The following RAB38 variants were observed in gnomAD, a reference collection of about 807,000 sequenced individuals.
RAB38 encodes RAB38, member RAS oncogene family.
RAB38 carries 15 observed loss-of-function variants against 18.4 expected under a neutral mutation model. The ratio of observed to expected loss-of-function variants is 0.82; its 90% CI spans 0.55 to 1.26. The LOEUF (loss-of-function observed/expected upper bound fraction) is 1.26, where lower values mean the gene tolerates loss of function less well. Among genes scored for constraint, RAB38 ranks in the 50% most tolerant of loss-of-function variants. The pLI is 0.00. For synonymous variants in RAB38, 101 were observed against 104.4 expected, an observed-to-expected ratio of 0.97 and a Z score of 0.20; for missense variants, 294 against 267.4, an observed-to-expected ratio of 1.10 and a Z score of -0.69.
At chr11:88,165,340 T>C (rs150359278) in intron 1 of RAB38, among the ~76,000 whole-genome samples, 184 of 152,260 alleles carry the variant, frequency 1.2e-3, no homozygotes, top group African/African-American at 4.3e-3. Context: ...GTTTATCTTT[T>C]TTCTGGCCTG....
the RAB38 span, among the ~76,000 whole-genome samples, chr11:88,026,712 T>A: frequency 1.3e-5 from 2 of 152,014 alleles, no homozygotes; most frequent in Non-Finnish European, 2.9e-5. Context: ...AAAAGTGTTG[T>A]TTATAGAAGA....
the RAB38 span, among the ~76,000 whole-genome samples, chr11:88,070,390 C>T: frequency 8.2e-4 from 125 of 152,308 alleles, no homozygotes; most frequent in African/African-American, 1.9e-3. Context: ...ACTCCGGACA[C>T]GCCACCTTCA....
At chr11:87,949,190 G>T in the RAB38 span, among the ~76,000 whole-genome samples, 1 of 152,188 alleles carries the variant, frequency 6.6e-6, no homozygotes, top group South Asian at 2.1e-4. Flanking sequence ...GGTGTTTATA[G>T]TATTCTCTGA....
chr11:87,868,252 C>T, the RAB38 span, among the ~76,000 whole-genome samples: 1 of 151,498 alleles, frequency 6.6e-6, no homozygotes, highest in Non-Finnish European at 1.5e-5. Context: ...CCCACAAGAG[C>T]TGTTGTTAAA....
the RAB38 span, among the ~76,000 whole-genome samples, chr11:87,958,098 G>A: frequency 3.3e-5 from 5 of 152,078 alleles, no homozygotes; most frequent in African/African-American, 1.2e-4. Flanking sequence ...TCCCAGGCTA[G>A]CAATATACTG....
At chr11:88,136,338 T>C (rs982423912) in intron 2 of RAB38, among the ~76,000 whole-genome samples, 5 of 152,180 alleles carry the variant, frequency 3.3e-5, no homozygotes, top group Non-Finnish European at 7.3e-5. Flanking sequence ...AGGGTAGGAC[T>C]GTCATCCACA....
chr11:88,109,716 C>T (rs912226174), downstream of RAB38, among the ~76,000 whole-genome samples: 2 of 152,130 alleles, frequency 1.3e-5, no homozygotes, highest in Admixed American at 6.5e-5. Flanking sequence ...AGGATATGAA[C>T]AGACACTTCT....
chr11:87,903,965 A>G, the RAB38 span, among the ~76,000 whole-genome samples: 2 of 151,514 alleles, frequency 1.3e-5, no homozygotes, highest in Admixed American at 6.6e-5. Flanking sequence ...AATATTTTCA[A>G]AAAATTATCT....
At position 88,128,734 on chromosome 11, in the gene RAB38, G is replaced by A. The variant is rs532981923; in HGVS notation, c.484-14594C>T. ...CTCAGTTAGAGAAATCTTGAGGAAGGACTCTGATGACTTTAGTTTCAGGCA... is the reference window on the plus strand; with the variant it reads ...CTCAGTTAGAGAAATCTTGAGGAAGAACTCTGATGACTTTAGTTTCAGGCA... On this transcript the variant is annotated intron_variant, in intron 2 of 2. Transcript: ENST00000243662. Among the ~76,000 whole-genome samples, 5 of 152,182 alleles carry A rather than the reference G, an allele frequency of 3.3e-5. No homozygotes were observed. In the East Asian group the frequency reaches 9.6e-4, roughly 29 times the overall value.
the RAB38 span, among the ~76,000 whole-genome samples, chr11:87,900,400 C>T: frequency 2.6e-5 from 4 of 151,608 alleles, no homozygotes; most frequent in Admixed American, 1.3e-4. Flanking sequence ...ATTGTAAGAA[C>T]ATTTATTGTT....
chr11:88,109,467 A>G (rs111888912), downstream of RAB38, among the ~76,000 whole-genome samples: 11,212 of 152,244 alleles, frequency 0.074, 702 homozygotes, highest in African/African-American at 0.17. Context: ...ATGGGCAAAG[A>G]CTTCATGTCT....
the RAB38 span, among the ~76,000 whole-genome samples, chr11:88,041,175 C>T: frequency 6.6e-6 from 1 of 152,182 alleles, no homozygotes; most frequent in East Asian, 1.9e-4. Flanking sequence ...GTTACATCTG[C>T]TTACTATTCT....
At chr11:88,016,341 T>TTCC in the RAB38 span, among the ~76,000 whole-genome samples, 10 of 152,162 alleles carry the variant, frequency 6.6e-5, no homozygotes, top group African/African-American at 2.4e-4. Context: ...CAGGTTATAA[T>TTCC]GAGGACTTAT....
At chr11:87,826,981 T>C in the RAB38 span, among the ~76,000 whole-genome samples, 1 of 152,134 alleles carries the variant, frequency 6.6e-6, no homozygotes, top group Non-Finnish European at 1.5e-5. Flanking sequence ...GCCTGACATT[T>C]CTTTTTCCTG....
At chr11:88,101,409 G>A in the RAB38 span, among the ~76,000 whole-genome samples, 1 of 151,676 alleles carries the variant, frequency 6.6e-6, no homozygotes, top group Admixed American at 6.6e-5. Context: ...TCATGGTTTG[G>A]TTAAATAAAC....
chr11:88,018,468 A>G, the RAB38 span, among the ~76,000 whole-genome samples: 1 of 152,054 alleles, frequency 6.6e-6, no homozygotes, highest in Non-Finnish European at 1.5e-5. Context: ...AACCCCATTT[A>G]TCTATTTTCC....
the RAB38 span, among the ~76,000 whole-genome samples, chr11:87,911,493 G>A: frequency 6.6e-6 from 1 of 151,708 alleles, no homozygotes; most frequent in Non-Finnish European, 1.5e-5. Flanking sequence ...TACATCTTTT[G>A]CCAGATTTAT....
chr11:88,114,740 C>T (rs1942525381), intron 2 of RAB38, among the ~76,000 whole-genome samples: 1 of 152,172 alleles, frequency 6.6e-6, no homozygotes, highest in Non-Finnish European at 1.5e-5. Context: ...GCTCAGTTTC[C>T]TGTTTTTTCT....
chr11:88,015,818 T>G, the RAB38 span, among the ~76,000 whole-genome samples: 1 of 152,120 alleles, frequency 6.6e-6, no homozygotes. Flanking sequence ...TTGGAGCCTT[T>G]GCATGAGGAC....
Sources: gnomAD v4.1 joint callset for allele counts (sites outside exome capture counted in the v4.1 genomes callset) on GRCh38, gnomAD v4.1.1 for gene constraint, MANE v1.5 for transcripts, NCBI Gene and HGNC (gene_info 2026-07-23, HGNC 2026-07-21) for gene names.